CHST9: variants seen among roughly 807,000 people sequenced by gnomAD.
CHST9 encodes the protein GalNAc-4-sulfotransferase 2.
In CHST9, 41 loss-of-function variants were observed where a neutral mutation model predicts 44.4. The ratio of observed to expected loss-of-function variants is 0.92; its 90% CI spans 0.72 to 1.20. CHST9 has a LOEUF of 1.20. CHST9 is among the 50% of genes most tolerant of loss of function. The probability of loss-of-function intolerance (pLI) is 0.00; values close to 1 mark genes in which losing one functional copy is unlikely to be tolerated. For missense variants in CHST9, 504 were observed against 516.5 expected (o/e 0.98, Z 0.23); for synonymous variants, 171 against 178.4 (o/e 0.96, Z 0.33).
At chr18:27,050,617 T>C (rs1372072369) in intron 2 of CHST9, among the ~76,000 whole-genome samples, 1 of 152,186 alleles carries the variant, frequency 6.6e-6, no homozygotes, top group Non-Finnish European at 1.5e-5. Flanking sequence ...ATTAATGGCA[T>C]GTTATATTCA....
At chr18:26,919,083 A>T (rs535653103) in intron 5 of CHST9, among the ~76,000 whole-genome samples, 21 of 152,184 alleles carry the variant, frequency 1.4e-4, no homozygotes, top group Admixed American at 3.3e-4. Context: ...ATCTTGTGAG[A>T]CTTATTCACT....
At chr18:27,035,932 G>C (rs1375287048) in intron 3 of CHST9, among the ~76,000 whole-genome samples, 1 of 152,068 alleles carries the variant, frequency 6.6e-6, no homozygotes, top group African/African-American at 2.4e-5. Context: ...GTTAATTAGT[G>C]TGATAATGGT....
At chr18:27,024,588 T>C (rs945519742) in intron 3 of CHST9, among the ~76,000 whole-genome samples, 2 of 152,242 alleles carry the variant, frequency 1.3e-5, no homozygotes, top group African/African-American at 4.8e-5. Flanking sequence ...AATTGAGTAC[T>C]TGGGCTCGAT....
chr18:26,953,341 G>A (rs2056277046), intron 4 of CHST9, among the ~76,000 whole-genome samples: 1 of 152,212 alleles, frequency 6.6e-6, no homozygotes, highest in African/African-American at 2.4e-5. Flanking sequence ...GGTTTAGAGA[G>A]AAACAGCATT....
intron 1 of CHST9, among the ~76,000 whole-genome samples, chr18:27,157,841 T>C (rs189741141): frequency 8.5e-5 from 13 of 152,270 alleles, no homozygotes; most frequent in African/African-American, 3.1e-4. Flanking sequence ...TGTAAAATTT[T>C]AAGGATACCA....
chr18:27,074,962 A>C (rs2057885795), intron 2 of CHST9, among the ~76,000 whole-genome samples: 1 of 149,272 alleles, frequency 6.7e-6, no homozygotes, highest in Non-Finnish European at 1.5e-5. Context: ...ATAGTCACCA[A>C]ATAGGAAAAA....
intron 1 of CHST9, among the ~76,000 whole-genome samples, chr18:27,169,243 C>G (rs1317354546): frequency 6.6e-6 from 1 of 152,132 alleles, no homozygotes; most frequent in Admixed American, 6.5e-5. Context: ...ATTTATCACA[C>G]AGCAATAGAA....
chr18:27,078,255 A>AT (rs753686096), intron 2 of CHST9, among the ~76,000 whole-genome samples: 9 of 152,176 alleles, frequency 5.9e-5, no homozygotes, highest in Non-Finnish European at 1.2e-4. Flanking sequence ...ATGCTAACAC[A>AT]TGAGTGAAGC....
chr18:27,064,392 C>T (rs761501571), intron 2 of CHST9, among the ~76,000 whole-genome samples: 3 of 152,060 alleles, frequency 2.0e-5, no homozygotes, highest in African/African-American at 4.8e-5. Context: ...ATGATTAATA[C>T]AAGCAGAGCA....
intron 4 of CHST9, among the ~76,000 whole-genome samples, chr18:26,964,352 T>C (rs2145156330): frequency 6.6e-6 from 1 of 152,358 alleles, no homozygotes; most frequent in Non-Finnish European, 1.5e-5. Context: ...ACCTGTTTTA[T>C]TATTTCTCTC....
Position 27,003,112 on chromosome 18 carries a change from C to T in CHST9, c.202+21004G>A, listed in dbSNP as rs1011727065. 3.3e-5 allele frequency among the ~76,000 whole-genome samples: 5 copies of T among 152,126 alleles called. No homozygotes were observed. In the East Asian group the frequency reaches 9.7e-4, roughly 29 times the overall value. On this transcript the variant is annotated intron_variant, in intron 4 of 5. Transcript: ENST00000618847. ...GTGTGAAAACTGGCATTGGAAATAACATTTGTTGTTTGCGTGAATGAAAAG... is the reference window on the plus strand; with the variant it reads ...GTGTGAAAACTGGCATTGGAAATAATATTTGTTGTTTGCGTGAATGAAAAG...
At chr18:27,053,191 GAAGAAAGAAC>G (rs2057596779) in intron 2 of CHST9, among the ~76,000 whole-genome samples, 1 of 135,772 alleles carries the variant, frequency 7.4e-6, no homozygotes, top group Non-Finnish European at 1.6e-5. Context: ...AGAAGAAGAA[GAAGAAAGAAC>G]AAGAAGAGGA....
At chr18:26,952,643 T>G in intron 4 of CHST9, 1 of 267,268 alleles carries the variant, frequency 3.7e-6, no homozygotes, top group South Asian at 4.4e-5. Flanking sequence ...CCCTCAGAAC[T>G]ACAGACTCAT....
intron 2 of CHST9, among the ~76,000 whole-genome samples, chr18:27,051,885 A>G (rs2057571177): frequency 6.6e-6 from 1 of 152,166 alleles, no homozygotes; most frequent in Non-Finnish European, 1.5e-5. Context: ...AGGCATATCA[A>G]TCAGTCTCCC....
intron 2 of CHST9, among the ~76,000 whole-genome samples, chr18:27,116,188 CAG>C (rs1313028860): frequency 6.6e-6 from 1 of 152,032 alleles, no homozygotes; most frequent in Non-Finnish European, 1.5e-5. Context: ...ATTTTGGTGT[CAG>C]AGTTAAGGAA....
rs1414252920 is a variant in CHST9, at chr18:26,992,115, A to G, written c.202+32001T>C. On this transcript the variant is annotated intron_variant, in intron 4 of 5. Coordinates refer to ENST00000618847, the MANE Select transcript of CHST9 (RefSeq NM_031422.6). ...CCCTGTTCCTATGTTTGGGGATCCC[A>G]ACTTTGAGGTTGAGCCCACACATCC... is the stretch of plus-strand genomic sequence containing the variant. Among the ~76,000 whole-genome samples, 7 of 126,986 alleles carry G rather than the reference A, an allele frequency of 5.5e-5. 1 individual carries two copies. Among genetic ancestry groups the G allele is most frequent in the African/African-American group, 8.0e-5 (3 of 37,598 alleles). 83.3% of individuals were successfully genotyped at this position (126,986 alleles called of 152,430 possible).
chr18:26,954,006 T>C (rs1433084192), intron 4 of CHST9, among the ~76,000 whole-genome samples: 5 of 152,148 alleles, frequency 3.3e-5, no homozygotes, highest in Admixed American at 1.3e-4. Context: ...ACGCCCATTA[T>C]AGATCTGCAC....
intron 4 of CHST9, among the ~76,000 whole-genome samples, chr18:27,018,613 T>C (rs1455499446): frequency 6.6e-6 from 1 of 152,210 alleles, no homozygotes; most frequent in Non-Finnish European, 1.5e-5. Context: ...GGCTTTTCAG[T>C]TGAGATTGTT....
intron 2 of CHST9, among the ~76,000 whole-genome samples, chr18:27,142,475 A>G (rs906403093): frequency 2.0e-5 from 3 of 152,198 alleles, no homozygotes; most frequent in Non-Finnish European, 2.9e-5. Flanking sequence ...CCACTGAGAT[A>G]ACAAAAATTT....
Sources: allele counts gnomAD v4.1 joint callset (sites outside exome capture counted in the v4.1 genomes callset), GRCh38; gene constraint gnomAD v4.1.1; transcripts MANE v1.5; gene names NCBI Gene and HGNC (gene_info 2026-07-23, HGNC 2026-07-21).